The following POLE variants were observed in gnomAD, a reference collection of about 807,000 sequenced individuals.
The protein encoded by POLE is DNA polymerase epsilon, catalytic subunit.
POLE carries 188 observed loss-of-function variants against 279.2 expected under a neutral mutation model. That is an observed-to-expected ratio of 0.67 (90% CI 0.60 to 0.76). The LOEUF (loss-of-function observed/expected upper bound fraction) is 0.76. Among genes scored for constraint, POLE ranks in the 30% least tolerant of loss-of-function variants. The probability of loss-of-function intolerance (pLI) is 0.00; values close to 1 mark genes in which losing one functional copy is unlikely to be tolerated. For missense variants in POLE, 2,703 were observed against 3,016.7 expected (o/e 0.90, Z 2.44); for synonymous variants, 1,214 against 1,172.5 (o/e 1.04, Z -0.72).
At chr12:132,626,486 C>T (rs1468404430) in intron 45 of POLE, among the ~76,000 whole-genome samples, 169 bp from the exon 46 acceptor site, 4 of 152,180 alleles carry the variant, frequency 2.6e-5, no homozygotes, top group Non-Finnish European at 4.4e-5. Context: ...AGTTTTCCAT[C>T]GGTGAGGACA....
Position 132,664,998 on chromosome 12 carries a change from G to C in POLE, c.2468+304C>G, listed in dbSNP as rs958349510. ...TGCCCGACACTCTGCAAGTCCCTGA[G>C]TGAGGATCCACGCTGGGAGACATGA... On this transcript the variant is annotated intron_variant, in intron 21 of 48. Transcript: ENST00000320574. This position sits in a 1 kb window ranked among gnomAD's most constrained non-coding sequence, Gnocchi z 5.3. Among the ~76,000 whole-genome samples the C allele has an allele frequency of 2.0e-5, 3 of 151,990 alleles. No individual in the cohort carries two copies. Among genetic ancestry groups the C allele is most frequent in the Non-Finnish European group, 4.4e-5 (3 of 68,016 alleles).
At chr12:132,644,776 C>G (rs1593738392) in intron 32 of POLE, among the ~76,000 whole-genome samples, 1 of 69,684 alleles carries the variant, frequency 1.4e-5, no homozygotes, top group Non-Finnish European at 2.7e-5. Context: ...CCCTAGCTCC[C>G]TGTGTGGGGT....
intron 1 of POLE, among the ~76,000 whole-genome samples, chr12:132,684,399 CCA>C (rs2043225327): frequency 4.1e-4 from 1 of 2,430 alleles, no homozygotes. Flanking sequence ...TCCCAGTACT[CCA>C]CACAGGCTCT....
At chr12:132,643,120 G>C (rs2042191867) in intron 35 of POLE, 104 bp downstream of exon 35, 1 of 1,473,426 alleles carries the variant, frequency 6.8e-7, no homozygotes, top group Non-Finnish European at 9.2e-7. Flanking sequence ...ATGGGCAAAG[G>C]CCCTTGAGGA....
At chr12:132,681,992 C>G (rs528172653) in intron 1 of POLE, among the ~76,000 whole-genome samples, 28 of 152,142 alleles carry the variant, frequency 1.8e-4, no homozygotes, top group African/African-American at 5.5e-4. Flanking sequence ...TGAGACCAGC[C>G]TGGCCAGCAT....
Position 132,643,322 on chromosome 12 carries a change from G to A in POLE, c.4453C>T (p.Arg1485Cys), listed in dbSNP as rs969429633. ...QFSYLEPGSI[R>C]HIYLYHHAQA... ...GCGTGGTGGTACAGGTAGATATGGC[G>A]GATACTCCCTGGAGAAGGAAACAAG... Residue 1485 changes from arginine (R) to cysteine (C), a missense_variant, in exon 35 of 49, where the codon CGC becomes TGC. Physicochemically the swap from Arg to Cys is radical, Grantham distance 180. This residue lies in a region of POLE where 1,551 missense variants were observed against 1,686.1 expected (regional missense o/e 0.92). Transcript: ENST00000320574. The A allele has an allele frequency of 1.3e-5, 21 of 1,613,914 alleles. No homozygotes were observed. In the East Asian group the frequency reaches 1.6e-4, roughly 12 times the overall value.
intron 16 of POLE, among the ~76,000 whole-genome samples, chr12:132,669,207 G>C (rs1172787964): frequency 1.3e-5 from 2 of 152,136 alleles, no homozygotes; most frequent in Non-Finnish European, 2.9e-5. Context: ...GTTCATGCTT[G>C]TAATCCTAGC....
Position 132,659,529 on chromosome 12 carries a change from A to G in POLE, c.3061-20T>C, listed in dbSNP as rs573620590. The stretch of plus-strand genomic sequence containing the variant: ...GGCTGCCTAGAGAAAGACAATGGGT[A>G]AAACACTGCAGAAATCAAGGGGCAG... On this transcript the variant is annotated intron_variant, in intron 25 of 48. Coordinates refer to ENST00000320574, the MANE Select transcript of POLE (RefSeq NM_006231.4). The G allele has an allele frequency of 1.2e-6, 2 of 1,602,258 alleles. No individual in the cohort carries two copies. Among genetic ancestry groups the G allele is most frequent in the African/African-American group, 2.7e-5 (2 of 74,784 alleles).
Position 132,672,544 on chromosome 12 carries a change from G to A in POLE, c.1686+83C>T, listed in dbSNP as rs2042953366. On this transcript the variant is annotated intron_variant, in intron 15 of 48. Coordinates refer to ENST00000320574, the MANE Select transcript of POLE (RefSeq NM_006231.4). ...GCCGTGGGACAGGATGGGGAGAAGG[G>A]GCTTTATTTCAGCCCCTGCAGCTTC... 5 of 1,409,706 alleles carry A rather than the reference G, an allele frequency of 3.5e-6. No homozygotes were observed. In the South Asian group the frequency reaches 5.9e-5, roughly 17 times the overall value. The allele number at this position is 1,409,706 out of a possible 1,614,324, so 87.3% of individuals were successfully genotyped here. A position where few individuals can be genotyped will look rare whatever the true frequency, so the allele number is the denominator to read the frequency against.
At position 132,657,973 on chromosome 12, in the gene POLE, G is replaced by A; in HGVS notation, c.3276-3C>T. ...GGAAAATGGCAAGTGGGATGGCCCTGGGTAAGGAAGACAGGCACACAGCTC... is the reference window on the plus strand; with the variant it reads ...GGAAAATGGCAAGTGGGATGGCCCTAGGTAAGGAAGACAGGCACACAGCTC... On this transcript the variant is annotated splice_region_variant and splice_polypyrimidine_tract_variant and intron_variant, in intron 26 of 48. Coordinates refer to ENST00000320574, the MANE Select transcript of POLE (RefSeq NM_006231.4). 2.5e-6 allele frequency: 4 copies of A among 1,598,840 alleles called. No homozygotes were observed. The highest frequency in any genetic ancestry group is 2.6e-6 in the Non-Finnish European group (3 of 1,166,166).
At chr12:132,636,064 G>C (rs769283982) in intron 41 of POLE, 40 bp from the exon 42 acceptor site, 1 of 1,590,664 alleles carries the variant, frequency 6.3e-7, no homozygotes, top group East Asian at 2.2e-5. Context: ...CAGTGAAATC[G>C]ACCTTGTTCT....
intron 32 of POLE, among the ~76,000 whole-genome samples, 167 bp from the exon 33 acceptor site, chr12:132,644,144 C>A (rs536226964): frequency 6.6e-6 from 1 of 152,088 alleles, no homozygotes; most frequent in Non-Finnish European, 1.5e-5. Context: ...ACTAAAAACT[C>A]TGGATGTAAT....
intron 6 of POLE, among the ~76,000 whole-genome samples, chr12:132,678,802 C>T (rs946678246): frequency 3.3e-5 from 5 of 152,270 alleles, no homozygotes; most frequent in African/African-American, 7.2e-5. Flanking sequence ...AAATACTGAA[C>T]GGGCTATTCA....
rs975893534 is a variant in POLE at position 132,659,400 on chromosome 12, G to A, written c.3170C>T (p.Ala1057Val). 6.2e-7 allele frequency: 1 copy of A among 1,614,208 alleles called. No homozygotes were observed. The highest frequency in any genetic ancestry group is 8.5e-7 in the Non-Finnish European group (1 of 1,180,024). The change falls in exon 26 of 49, where the codon GCA becomes GTA. Residue 1057 changes from alanine (A) to valine (V), a missense_variant. By Grantham distance (64) the Ala-to-Val change is moderately conservative. This residue lies in a region of POLE where 1,551 missense variants were observed against 1,686.1 expected (regional missense o/e 0.92). Coordinates refer to ENST00000320574, the MANE Select transcript of POLE (RefSeq NM_006231.4). ...GEQKSTSIST[A>V]KRLAEFLGDQ... ...TCCCAGGAACTCGGCCAGGCGCTTT[G>A]CTGTGCTGATGGACGTAGACTTCTG...
At chr12:132,657,456 G>A in intron 27 of POLE, 27 bp from the exon 28 acceptor site, 1 of 1,604,990 alleles carries the variant, frequency 6.2e-7, no homozygotes, top group Non-Finnish European at 8.5e-7. Flanking sequence ...CGGGCACAGA[G>A]AACAGCAGGT....
At position 132,675,935 on chromosome 12, in the gene POLE, G is replaced by A. The variant is rs551424801; in HGVS notation, c.1021-115C>T. 2.9e-5 allele frequency: 28 copies of A among 958,288 alleles called. No individual in the cohort carries two copies. Among genetic ancestry groups the A allele is most frequent in the South Asian group, 2.7e-4 (19 of 71,472 alleles). 59.4% of individuals were successfully genotyped at this position (958,288 alleles called of 1,614,324 possible). On this transcript the variant is annotated intron_variant, in intron 10 of 48. Coordinates refer to ENST00000320574, the MANE Select transcript of POLE (RefSeq NM_006231.4). This position sits in a 1 kb window ranked among gnomAD's most constrained non-coding sequence, Gnocchi z 4.3. ...TCATGTTGGCCCTTATTCCTGCCCC[G>A]CCCCTCCGCCCGTCTCTGGCAGAAA...
At chr12:132,676,280 C>T in intron 9 of POLE, 76 bp from the exon 10 acceptor site, 1 of 967,614 alleles carries the variant, frequency 1.0e-6, no homozygotes, top group South Asian at 1.3e-5. Context: ...CCTGCCCACA[C>T]ACTCTGCCTA....
intron 47 of POLE, chr12:132,625,303 C>A (rs758419085): frequency 4.1e-6 from 3 of 723,658 alleles, no homozygotes; most frequent in South Asian, 1.4e-5. Context: ...GGCAGCTTGG[C>A]GCGTCCCCCA....
chr12:132,633,944 A>T (rs182572969), intron 43 of POLE: 1 of 437,364 alleles, frequency 2.3e-6, no homozygotes, highest in African/African-American at 2.0e-5. Context: ...GCCGCTCCCC[A>T]TGGAGTTTCC....
Sources: allele counts gnomAD v4.1 joint callset (sites outside exome capture counted in the v4.1 genomes callset), GRCh38; gene constraint gnomAD v4.1.1; regional missense constraint gnomAD v4.1.1; non-coding constraint Gnocchi (gnomAD v3.1); transcripts MANE v1.5; gene names NCBI Gene and HGNC (gene_info 2026-07-23, HGNC 2026-07-21).